The following TMLHE variants were observed in gnomAD, a reference collection of about 807,000 sequenced individuals.
The protein encoded by TMLHE is trimethyllysine dioxygenase, mitochondrial.
TMLHE carries 18 observed loss-of-function variants against 25.7 expected under a neutral mutation model. That is an observed-to-expected ratio of 0.70 (90% CI 0.48 to 1.04). The LOEUF is 1.04. Among genes scored for constraint, TMLHE ranks in the 50% least tolerant of loss-of-function variants. The pLI is 0.00. For synonymous variants in TMLHE, 105 were observed against 97.0 expected (o/e 1.08, Z -0.49); for missense variants, 236 against 259.0 (o/e 0.91, Z 0.61).
At chrX:155,521,566 GGCT>G (rs1430176535) in intron 3 of TMLHE, among the ~76,000 whole-genome samples, 11 of 1,351 alleles carry the variant, frequency 8.1e-3, no homozygotes, top group Non-Finnish European at 0.013. Flanking sequence ...CGAGCTTCCC[GGCT>G]GCTTTGTTTA....
In TMLHE at chrX:155,548,589, G is replaced by T. The variant is rs192595421; in HGVS notation, c.-1-3312C>A. ...TCTCTACTAAAAAATACAAAAATTA[G>T]CCGGGTGTGGTGGCACACACCTGTA... On this transcript the variant is annotated intron_variant, in intron 1 of 7. Transcript: ENST00000334398. Among the ~76,000 whole-genome samples the T allele has an allele frequency of 2.5e-4, 27 of 108,904 alleles. No homozygotes were observed. The East Asian group carries it at 6.9e-3, about 28-fold the overall frequency. The allele number at this position is 108,904 out of a possible 115,157, so 94.6% of individuals were successfully genotyped here.
intron 1 of TMLHE, among the ~76,000 whole-genome samples, chrX:155,548,550 A>G (rs896539087): frequency 1.8e-5 from 2 of 109,364 alleles, no homozygotes; most frequent in Non-Finnish European, 3.8e-5. Context: ...CCTGACTAAC[A>G]TGGTGAAACC....
rs1557342763 is a variant in TMLHE, at chrX:155,569,554, T to G, written c.-1-24277A>C. Among the ~76,000 whole-genome samples, 2 of 55,714 alleles carry G rather than the reference T, an allele frequency of 3.6e-5. 1 individual carries two copies. 48.4% of individuals were successfully genotyped at this position (55,714 alleles called of 115,157 possible). On this transcript the variant is annotated intron_variant, in intron 1 of 7. Coordinates refer to ENST00000334398, the MANE Select transcript of TMLHE (RefSeq NM_018196.4). ...ATTGTCAGATTCACCAAAGTTGAAA[T>G]GAAGGAAAAAATGTTAAGGGCAGCC...
intron 4 of TMLHE, among the ~76,000 whole-genome samples, chrX:155,512,503 A>C (rs1006324958): frequency 1.3e-4 from 14 of 110,328 alleles, no homozygotes; most frequent in Non-Finnish European, 2.3e-4. Context: ...TGAACTCATC[A>C]TTTTTTATGG....
chrX:155,567,899 C>T (rs1214012352), intron 1 of TMLHE, among the ~76,000 whole-genome samples: 3 of 61,865 alleles, frequency 4.8e-5, no homozygotes, highest in African/African-American at 1.1e-4. Flanking sequence ...CAGCTCCCAG[C>T]GTGAGCAACG....
rs782643995 is a variant in TMLHE, at chrX:155,541,814, CAT to C, written c.181+3280_181+3281del. ...ATGACCAGTGATGATGAGCTTTTTTCATATGTTTGTTGGCTGCATAAATGTCT... is the reference window on the plus strand; with the variant it reads ...ATGACCAGTGATGATGAGCTTTTTTCATGTTTGTTGGCTGCATAAATGTCT... On this transcript the variant is annotated intron_variant, in intron 2 of 7. Coordinates refer to ENST00000334398, the MANE Select transcript of TMLHE (RefSeq NM_018196.4). 6.3e-5 allele frequency among the ~76,000 whole-genome samples: 7 copies of C among 111,313 alleles called. No individual in the cohort carries two copies. The South Asian group carries it at 1.1e-3, about 18-fold the overall frequency.
rs977630958 is a variant in TMLHE at position 155,511,745 on chromosome X, C to T, written c.686G>A (p.Arg229Lys). The T allele has an allele frequency of 2.5e-6, 3 of 1,198,328 alleles. No homozygotes were observed. Among genetic ancestry groups the T allele is most frequent in the Non-Finnish European group, 3.4e-6 (3 of 886,269 alleles). ...RMWYFTSDFS[R>K]GDTAYTKLAL... ...TAGCTTGGTGTACGCAGTGTCACCTCTGGAGAAGTCTGAAGTGAAATACCA... is the reference window on the plus strand; with the variant it reads ...TAGCTTGGTGTACGCAGTGTCACCTTTGGAGAAGTCTGAAGTGAAATACCA... Residue 229 changes from arginine (R) to lysine (K), a missense_variant, in exon 5 of 8, where the codon AGA (arginine) becomes AAA (lysine). This residue lies in a region of TMLHE where 217 missense variants were observed against 214.6 expected (regional missense o/e 1.01). Coordinates refer to ENST00000334398, the MANE Select transcript of TMLHE (RefSeq NM_018196.4).
At position 155,510,548 on chromosome X, in the gene TMLHE, C is replaced by T. The variant is rs1434049534; in HGVS notation, c.758+1125G>A. ...GTTTGCTGAGAATGATGGTTTCCAGCTCCATCCATGTCCCTACAAAGGACA... is the reference window on the plus strand; with the variant it reads ...GTTTGCTGAGAATGATGGTTTCCAGTTCCATCCATGTCCCTACAAAGGACA... On this transcript the variant is annotated intron_variant, in intron 5 of 7. Coordinates refer to ENST00000334398, the MANE Select transcript of TMLHE (RefSeq NM_018196.4). Among the ~76,000 whole-genome samples, 152 of 108,712 alleles carry T rather than the reference C, an allele frequency of 1.4e-3. 1 individual carries two copies. In the East Asian group the frequency reaches 0.034, roughly 24 times the overall value. 94.4% of individuals were successfully genotyped at this position (108,712 alleles called of 115,157 possible).
At chrX:155,525,463 T>C (rs1219263972) in intron 2 of TMLHE, among the ~76,000 whole-genome samples, 1 of 112,220 alleles carries the variant, frequency 8.9e-6, no homozygotes. Flanking sequence ...TTTCAGGTTG[T>C]TCTTTATAGC....
At chrX:155,551,302 C>T (rs782133837) in intron 1 of TMLHE, among the ~76,000 whole-genome samples, 10 of 108,592 alleles carry the variant, frequency 9.2e-5, no homozygotes, top group Non-Finnish European at 1.7e-4. Flanking sequence ...TTTGGTGTGT[C>T]GCACCCATTA....
At position 155,545,187 on chromosome X, in the gene TMLHE, G is replaced by A; in HGVS notation, c.90C>T (p.Asn30=). 1.7e-6 allele frequency: 2 copies of A among 1,210,357 alleles called. No homozygotes were observed. The highest frequency in any genetic ancestry group is 1.1e-6 in the Non-Finnish European group (1 of 894,553). ...CAGCTAAAGGAAGTAAGCTTTTGAA[G>A]TTGGGCTGTGGAAGGGCCGGATATA... is the stretch of plus-strand genomic sequence containing the variant. ...GVIYPALPQP[N]FKSLLPLAVH... Residue 30 remains asparagine, a synonymous_variant, in exon 2 of 8, where the codon AAC becomes AAT. Transcript: ENST00000334398.
rs1234120150 is a variant in TMLHE, at chrX:155,571,512, C to T, written c.-1-26235G>A. Among the ~76,000 whole-genome samples the T allele has an allele frequency of 3.8e-5, 2 of 52,299 alleles. 1 individual carries two copies. Among genetic ancestry groups the T allele is most frequent in the Non-Finnish European group, 9.7e-5 (2 of 20,525 alleles). 45.4% of individuals were successfully genotyped at this position (52,299 alleles called of 115,157 possible). On this transcript the variant is annotated intron_variant, in intron 1 of 7. Transcript: ENST00000334398. ...GGCCAGCATCATCCTGATACCAAAGCCGGGCAGAGACACAACCAAAAAAGA... is the reference window on the plus strand; with the variant it reads ...GGCCAGCATCATCCTGATACCAAAGTCGGGCAGAGACACAACCAAAAAAGA...
intron 1 of TMLHE, among the ~76,000 whole-genome samples, chrX:155,578,597 C>T (rs887427081): frequency 3.6e-5 from 4 of 111,891 alleles, no homozygotes; most frequent in Non-Finnish European, 7.5e-5. Flanking sequence ...AGGAGGATGC[C>T]CCATCAATGC....
intron 1 of TMLHE, among the ~76,000 whole-genome samples, chrX:155,579,940 A>T (rs1557344286): frequency 9.1e-6 from 1 of 109,781 alleles, no homozygotes. Flanking sequence ...TAAGACCTCA[A>T]AATCGCAAGC....
At chrX:155,565,425 G>A (rs2067508871) in intron 1 of TMLHE, among the ~76,000 whole-genome samples, 1 of 61,898 alleles carries the variant, frequency 1.6e-5, no homozygotes, top group Admixed American at 1.9e-4. Flanking sequence ...GTATGTCCTT[G>A]ATTCCAATGC....
At chrX:155,565,873 G>A (rs1360698382) in intron 1 of TMLHE, among the ~76,000 whole-genome samples, 3 of 62,009 alleles carry the variant, frequency 4.8e-5, no homozygotes, top group African/African-American at 1.1e-4. Context: ...TAAAAGTATA[G>A]GCAAGGCACC....
At chrX:155,560,963 G>T (rs2067493435) in intron 1 of TMLHE, among the ~76,000 whole-genome samples, 1 of 61,303 alleles carries the variant, frequency 1.6e-5, no homozygotes, top group South Asian at 9.9e-4. Context: ...CTGTTAGTAG[G>T]CTATTACAGT....
chrX:155,510,596 T>C (rs1344683497), intron 5 of TMLHE, among the ~76,000 whole-genome samples: 5 of 109,718 alleles, frequency 4.6e-5, no homozygotes, highest in Admixed American at 9.8e-5. Flanking sequence ...TTTTTATGGC[T>C]GCATAGTATT....
chrX:155,610,190 A>G (rs2067810638), intron 1 of TMLHE, among the ~76,000 whole-genome samples: 1 of 112,596 alleles, frequency 8.9e-6, no homozygotes, highest in African/African-American at 3.2e-5. Flanking sequence ...ATGCAATGGA[A>G]TATTACTCAG....
Sources: allele counts gnomAD v4.1 joint callset (sites outside exome capture counted in the v4.1 genomes callset), GRCh38; gene constraint gnomAD v4.1.1; regional missense constraint gnomAD v4.1.1; transcripts MANE v1.5; gene names NCBI Gene and HGNC (gene_info 2026-07-23, HGNC 2026-07-21).